The following NTM variants were observed in gnomAD, a reference collection of about 807,000 sequenced individuals.
NTM encodes the protein neurotrimin, also known as IgLON family member 2.
A neutral mutation model predicts 42.1 loss-of-function variants in NTM; 13 were observed. The observed-to-expected ratio is 0.31, with a 90% CI of 0.20 to 0.49. The LOEUF is 0.49. Ranked by LOEUF, NTM falls within the 20% of genes least tolerant of loss-of-function variation. The pLI is 0.99. For missense variants in NTM, 373 were observed against 452.8 expected (o/e 0.82, Z 1.60); for synonymous variants, 187 against 179.2 (o/e 1.04, Z -0.35).
At chr11:131,419,569 A>G (rs906616653) in intron 1 of NTM, among the ~76,000 whole-genome samples, 2 of 152,140 alleles carry the variant, frequency 1.3e-5, no homozygotes, top group Non-Finnish European at 2.9e-5. Context: ...ATAGCTCAGC[A>G]TGTTTCAAGG....
chr11:131,589,761 C>A (rs1592140977), intron 1 of NTM, among the ~76,000 whole-genome samples: 1 of 152,184 alleles, frequency 6.6e-6, no homozygotes, highest in Non-Finnish European at 1.5e-5. Flanking sequence ...ACTGCCTGGC[C>A]TCACTGCTGA....
At chr11:132,045,782 C>T (rs1038880554) in intron 2 of NTM, among the ~76,000 whole-genome samples, 11 of 152,080 alleles carry the variant, frequency 7.2e-5, no homozygotes, top group Non-Finnish European at 2.9e-5. Flanking sequence ...GACATGGCAG[C>T]CATATATGTC....
intron 1 of NTM, among the ~76,000 whole-genome samples, chr11:131,745,191 C>A (rs2081659385): frequency 6.6e-6 from 1 of 152,134 alleles, no homozygotes; most frequent in South Asian, 2.1e-4. Flanking sequence ...GCTTGTAATA[C>A]TGGGGCTGTA....
At chr11:131,539,843 C>G (rs901612832) in intron 1 of NTM, among the ~76,000 whole-genome samples, 2 of 152,132 alleles carry the variant, frequency 1.3e-5, no homozygotes, top group East Asian at 3.9e-4. Flanking sequence ...GAATGAGAGG[C>G]CCTATGTTAT....
Position 132,003,986 on chromosome 11 carries a change from G to C in NTM, c.167+92338G>C, listed in dbSNP as rs2070093289. Among the ~76,000 whole-genome samples, 1 of 152,194 alleles carries C rather than the reference G, an allele frequency of 6.6e-6. No homozygotes were observed. On this transcript the variant is annotated intron_variant, in intron 2 of 8. Transcript: ENST00000683400. This position sits in a 1 kb window ranked among gnomAD's most constrained non-coding sequence, Gnocchi z 6.0. The stretch of plus-strand genomic sequence containing the variant: ...CTCCTTAATCAACCATTAGCATAAT[G>C]TATTAGCATATCTATAGCACAATTA...
At chr11:132,220,304 G>GA (rs1398428413) in intron 4 of NTM, among the ~76,000 whole-genome samples, 8 of 152,250 alleles carry the variant, frequency 5.3e-5, no homozygotes, top group Non-Finnish European at 1.0e-4. Flanking sequence ...AGGTGGGAGA[G>GA]AAAAAAGCAG....
chr11:131,421,110 G>A (rs1947471952), intron 1 of NTM, among the ~76,000 whole-genome samples: 3 of 152,188 alleles, frequency 2.0e-5, no homozygotes, highest in Admixed American at 2.0e-4. Context: ...GACCCGGAGG[G>A]AGAAGCATGC....
intron 1 of NTM, chr11:131,877,844 G>A (rs1410844987): frequency 6.6e-6 from 1 of 152,242 alleles, no homozygotes; most frequent in Non-Finnish European, 1.5e-5. Flanking sequence ...GCTCAGAGTT[G>A]CTGTGAGGGT....
chr11:131,745,329 TCA>T (rs2081682543), intron 1 of NTM, among the ~76,000 whole-genome samples: 1 of 152,224 alleles, frequency 6.6e-6, no homozygotes, highest in Non-Finnish European at 1.5e-5. Context: ...GGCACTGCTC[TCA>T]GTCTCCTCAT....
rs561610843 is a variant in NTM, at chr11:131,687,249, G to A, written c.83-224315G>A. Among the ~76,000 whole-genome samples, 6 of 152,348 alleles carry A rather than the reference G, an allele frequency of 3.9e-5. No homozygotes were observed. The East Asian group carries it at 1.2e-3, about 29-fold the overall frequency. On this transcript the variant is annotated intron_variant, in intron 1 of 8. Transcript: ENST00000683400. ...ATGAAACGTGACAACACCGTCACGC[G>A]TGGTGTCAGCTGGTTGACAGCCATT...
chr11:131,426,670 C>T (rs979245007), intron 1 of NTM, among the ~76,000 whole-genome samples: 3 of 152,100 alleles, frequency 2.0e-5, no homozygotes, highest in Non-Finnish European at 4.4e-5. Flanking sequence ...ATCCATTCTG[C>T]ACTTGTCGGA....
intron 4 of NTM, among the ~76,000 whole-genome samples, chr11:132,302,716 G>T (rs1419178990): frequency 6.6e-6 from 1 of 152,200 alleles, no homozygotes; most frequent in Non-Finnish European, 1.5e-5. Flanking sequence ...AGCCCCCTGT[G>T]TGCAGCACAA....
chr11:132,182,804 C>A (rs1433520487), intron 3 of NTM, among the ~76,000 whole-genome samples: 2 of 152,112 alleles, frequency 1.3e-5, no homozygotes, highest in African/African-American at 2.4e-5. Flanking sequence ...AAATGGGGCC[C>A]CAAGTTATCC....
chr11:131,854,300 C>A (rs1250031634), intron 1 of NTM, among the ~76,000 whole-genome samples: 2 of 152,166 alleles, frequency 1.3e-5, no homozygotes, highest in Non-Finnish European at 2.9e-5. Context: ...AGGGAGCTAC[C>A]AGCTGAATGA....
intron 1 of NTM, among the ~76,000 whole-genome samples, chr11:131,414,513 G>T (rs959173048): frequency 2.6e-5 from 4 of 152,310 alleles, no homozygotes; most frequent in Admixed American, 6.5e-5. Flanking sequence ...CATCAGACAG[G>T]TTCTTTCTGA....
At chr11:131,384,078 T>C (rs1335846343) in intron 1 of NTM, among the ~76,000 whole-genome samples, 1 of 152,160 alleles carries the variant, frequency 6.6e-6, no homozygotes, top group African/African-American at 2.4e-5. Context: ...TTTAGAGAGA[T>C]AGTAATTAAT....
intron 2 of NTM, among the ~76,000 whole-genome samples, chr11:132,071,185 C>T (rs1382284826): frequency 5.4e-3 from 746 of 139,392 alleles, no homozygotes; most frequent in African/African-American, 0.019. Flanking sequence ...TTAGTTAACA[C>T]GTCACACAGC....
At chr11:131,636,441 A>G (rs1477185837) in intron 1 of NTM, among the ~76,000 whole-genome samples, 1 of 152,152 alleles carries the variant, frequency 6.6e-6, no homozygotes, top group African/African-American at 2.4e-5. Context: ...CCCTATCCAC[A>G]GGCGTGGCAT....
intron 1 of NTM, among the ~76,000 whole-genome samples, chr11:131,853,748 G>T (rs2045824590): frequency 6.6e-6 from 1 of 151,916 alleles, no homozygotes; most frequent in South Asian, 2.1e-4. Flanking sequence ...ATTCCTTTAG[G>T]TATATAGCCA....
Sources: gnomAD v4.1 joint callset for allele counts (sites outside exome capture counted in the v4.1 genomes callset) on GRCh38, gnomAD v4.1.1 for gene constraint, Gnocchi (gnomAD v3.1) non-coding constraint, MANE v1.5 for transcripts, NCBI Gene and HGNC (gene_info 2026-07-23, HGNC 2026-07-21) for gene names.